RIC1: variants seen among roughly 807,000 people sequenced by gnomAD.
RIC1 encodes the protein guanine nucleotide exchange factor subunit RIC1.
RIC1 carries 88 observed loss-of-function variants against 169.0 expected under a neutral mutation model. The observed-to-expected ratio is 0.52, with a 90% confidence interval of 0.44 to 0.62. The LOEUF is 0.62. Among genes scored for constraint, RIC1 ranks in the 20% least tolerant of loss-of-function variants. The probability of loss-of-function intolerance (pLI) is 0.00; values close to 1 mark genes in which losing one functional copy is unlikely to be tolerated. For synonymous variants in RIC1, 790 were observed against 601.5 expected (o/e 1.31, Z -4.59); for missense variants, 1,877 against 1,725.5 (o/e 1.09, Z -1.56).
chr9:5,690,690 T>G (rs77503000), intron 3 of RIC1, among the ~76,000 whole-genome samples: 1 of 151,898 alleles, frequency 6.6e-6, no homozygotes, highest in African/African-American at 2.4e-5. Flanking sequence ...CAGATTTTAC[T>G]GTGTGAAAAG....
intron 1 of RIC1, among the ~76,000 whole-genome samples, chr9:5,631,129 A>G (rs1302528403): frequency 6.6e-6 from 1 of 152,226 alleles, no homozygotes; most frequent in Non-Finnish European, 1.5e-5. Flanking sequence ...GCTTTAATTT[A>G]GGGACATTGT....
chr9:5,661,557 G>C (rs1163469614), intron 2 of RIC1, among the ~76,000 whole-genome samples: 1 of 152,136 alleles, frequency 6.6e-6, no homozygotes. Context: ...CACCTCCCTT[G>C]TTAGCTGTAT....
At chr9:5,658,728 A>C (rs966459331) in intron 2 of RIC1, among the ~76,000 whole-genome samples, 1 of 152,072 alleles carries the variant, frequency 6.6e-6, no homozygotes, top group Non-Finnish European at 1.5e-5. Flanking sequence ...GGTTAGTGTA[A>C]GTTTTTTCAG....
rs149253563 is a variant in RIC1 at position 5,749,739 on chromosome 9, T to C, written c.1452+2234T>C. On this transcript the variant is annotated intron_variant, in intron 12 of 25. Transcript: ENST00000414202. ...AAATACATACTTGTCAGAAGCAGGA[T>C]TGGTAACTGGCAGTAAAGGCGGTGC... 1.3e-3 allele frequency among the ~76,000 whole-genome samples: 189 copies of C among 150,082 alleles called. 1 individual carries two copies. The highest frequency in any genetic ancestry group is 4.5e-3 in the African/African-American group (183 of 40,780).
chr9:5,754,501 G>A (rs1013610836), intron 14 of RIC1, among the ~76,000 whole-genome samples: 106 of 152,178 alleles, frequency 7.0e-4, no homozygotes, highest in Non-Finnish European at 8.4e-4. Context: ...GGCCGAAGCA[G>A]GCGGATCACT....
intron 1 of RIC1, 90 bp from the exon 2 acceptor site, chr9:5,656,493 T>C: frequency 1.7e-6 from 1 of 573,686 alleles, no homozygotes; most frequent in Non-Finnish European, 2.9e-6. Context: ...GTAAAAATAC[T>C]TTGAATACTC....
chr9:5,645,685 G>A (rs1404038753), intron 1 of RIC1, among the ~76,000 whole-genome samples: 1 of 152,170 alleles, frequency 6.6e-6, no homozygotes, highest in African/African-American at 2.4e-5. Context: ...ATTGCACTCA[G>A]CATGTCTTAA....
At chr9:5,688,286 C>A (rs934591175) in intron 2 of RIC1, among the ~76,000 whole-genome samples, 1 of 152,166 alleles carries the variant, frequency 6.6e-6, no homozygotes, top group Non-Finnish European at 1.5e-5. Flanking sequence ...TGTCTTAGTG[C>A]GCCTTCTAAG....
At chr9:5,634,490 A>T (rs1042686530) in intron 1 of RIC1, among the ~76,000 whole-genome samples, 4 of 152,094 alleles carry the variant, frequency 2.6e-5, no homozygotes, top group Non-Finnish European at 5.9e-5. Flanking sequence ...TTGAGCACCT[A>T]TTGGCCATTG....
intron 3 of RIC1, among the ~76,000 whole-genome samples, chr9:5,699,309 G>A (rs906267344): frequency 6.6e-6 from 1 of 152,204 alleles, no homozygotes; most frequent in African/African-American, 2.4e-5. Flanking sequence ...CAGTCTGAGC[G>A]AGTGTGGGGT....
intron 10 of RIC1, among the ~76,000 whole-genome samples, chr9:5,745,250 A>G (rs961175348): frequency 1.3e-5 from 2 of 152,200 alleles, no homozygotes; most frequent in Non-Finnish European, 2.9e-5. Flanking sequence ...AAATTTTGCA[A>G]CAATTCATGG....
chr9:5,725,156 G>T (rs1823883740), intron 6 of RIC1, among the ~76,000 whole-genome samples: 1 of 152,154 alleles, frequency 6.6e-6, no homozygotes, highest in Non-Finnish European at 1.5e-5. Flanking sequence ...TTGTACCTCT[G>T]ATAGAATTTG....
chr9:5,769,068 T>G lies in RIC1; in HGVS notation c.3236T>G (p.Leu1079Arg). 6.2e-7 allele frequency: 1 copy of G among 1,614,122 alleles called. No homozygotes were observed. Among genetic ancestry groups the G allele is most frequent in the Non-Finnish European group, 8.5e-7 (1 of 1,179,978 alleles). Reference protein sequence around the residue: ...RLLEDVRLKDLGCFAAQLGFE... With the variant: ...RLLEDVRLKDRGCFAAQLGFE... Reference sequence around the variant, plus strand: ...TTAGAAGATGTGAGGTTAAAGGACCTTGGCTGCTTTGCAGCCCAGCTGGGC... The same window carrying G: ...TTAGAAGATGTGAGGTTAAAGGACCGTGGCTGCTTTGCAGCCCAGCTGGGC... Residue 1079 changes from leucine (L) to arginine (R), a missense_variant, in exon 22 of 26, where the codon CTT becomes CGT. Physicochemically the swap from Leu to Arg is moderately radical, Grantham distance 102. Coordinates refer to ENST00000414202, the MANE Select transcript of RIC1 (RefSeq NM_020829.4).
chr9:5,739,533 C>G (rs1309175597), intron 8 of RIC1, among the ~76,000 whole-genome samples: 2 of 152,188 alleles, frequency 1.3e-5, no homozygotes, highest in African/African-American at 4.8e-5. Context: ...AACCTCACCT[C>G]TAGAGGCCTG....
chr9:5,769,399 T>C (rs761379516), intron 22 of RIC1, 143 bp downstream of exon 22: 11 of 1,579,158 alleles, frequency 7.0e-6, no homozygotes, highest in Non-Finnish European at 9.5e-6. Context: ...TGTACATGAG[T>C]TGGAATGCCC....
chr9:5,694,843 T>G (rs1821796356), intron 3 of RIC1, among the ~76,000 whole-genome samples: 1 of 151,630 alleles, frequency 6.6e-6, no homozygotes, highest in Non-Finnish European at 1.5e-5. Flanking sequence ...GGGTACTACG[T>G]CTTTCAAAAA....
intron 23 of RIC1, 65 bp downstream of exon 23, chr9:5,770,343 T>G (rs1285199264): frequency 4.6e-6 from 6 of 1,293,970 alleles, no homozygotes; most frequent in Non-Finnish European, 6.5e-6. Flanking sequence ...CTATAGCACT[T>G]CAGAGATAGA....
chr9:5,758,704 A>G (rs138740778), intron 17 of RIC1, among the ~76,000 whole-genome samples: 1 of 143,248 alleles, frequency 7.0e-6, no homozygotes, highest in Non-Finnish European at 1.5e-5. Flanking sequence ...AGACCCCTTA[A>G]GCATCTTGGT....
In RIC1 at chr9:5,684,302, GC is replaced by G. The variant is rs1821072992; in HGVS notation, c.253-5655del. 2.0e-4 allele frequency among the ~76,000 whole-genome samples: 3 copies of G among 14,952 alleles called. 1 individual carries two copies. The highest frequency in any genetic ancestry group is 9.7e-4 in the African/African-American group (3 of 3,088). 9.8% of individuals were successfully genotyped at this position (14,952 alleles called of 152,430 possible). A position where few individuals can be genotyped will look rare whatever the true frequency, so the allele number is the denominator to read the frequency against. Reference sequence around the variant, plus strand: ...CCCCCCCCCCCCCCCCCCCCCCCCCGCCATCTCATCAATTTATACAGAAATG... The same window carrying G: ...CCCCCCCCCCCCCCCCCCCCCCCCCGCATCTCATCAATTTATACAGAAATG... On this transcript the variant is annotated intron_variant, in intron 2 of 25. Transcript: ENST00000414202.
Sources: gnomAD v4.1 joint callset for allele counts (sites outside exome capture counted in the v4.1 genomes callset) on GRCh38, gnomAD v4.1.1 for gene constraint, MANE v1.5 for transcripts, NCBI Gene and HGNC (gene_info 2026-07-23, HGNC 2026-07-21) for gene names.